TPO: variants seen among roughly 807,000 people sequenced by gnomAD.
The protein encoded by TPO is thyroid microsomal antigen.
In TPO, 78 loss-of-function variants were observed where a neutral mutation model predicts 96.9. The ratio of observed to expected loss-of-function variants is 0.81; its 90% CI spans 0.67 to 0.97. The LOEUF is 0.97. Ranked by LOEUF, TPO falls within the 50% of genes least tolerant of loss-of-function variation. TPO has a pLI of 0.00. For synonymous variants in TPO, 547 were observed against 538.0 expected (o/e 1.02, Z -0.23); for missense variants, 1,252 against 1,274.8 (o/e 0.98, Z 0.27).
At chr2:1,534,962 G>A (rs1403247948) in intron 15 of TPO, among the ~76,000 whole-genome samples, 2 of 129,082 alleles carry the variant, frequency 1.5e-5, no homozygotes, top group Admixed American at 9.8e-5. Flanking sequence ...GCCACTGTGA[G>A]CAACCTCCTC....
At chr2:1,378,654 C>T (rs929340759) in intron 1 of TPO, among the ~76,000 whole-genome samples, 1 of 152,216 alleles carries the variant, frequency 6.6e-6, no homozygotes, top group Non-Finnish European at 1.5e-5. Context: ...CCGTGCTGCT[C>T]TCCCTGGGAG....
At chr2:1,387,326 TCCCCA>T (rs1345168638) in intron 1 of TPO, among the ~76,000 whole-genome samples, 2 of 152,246 alleles carry the variant, frequency 1.3e-5, no homozygotes, top group Non-Finnish European at 2.9e-5. Context: ...GGTTCCATTG[TCCCCA>T]TCACTTTCAG....
rs1039731960 is a variant in TPO, at chr2:1,456,099, C to A, written c.636C>A (p.Val212=). The A allele has an allele frequency of 1.5e-5, 25 of 1,614,012 alleles. No individual in the cohort carries two copies. The Middle Eastern group carries it at 1.6e-3, about 106-fold the overall frequency. Residue 212 remains valine (V), a synonymous_variant, in exon 7 of 17, where the codon GTC becomes GTA. Transcript: ENST00000329066. Reference sequence around the variant, plus strand: ...AGGTCCGGGAGGTGACAAGACATGTCATTCAAGTTTCAAATGAGGTTGTCA... The same window carrying A: ...AGGTCCGGGAGGTGACAAGACATGTAATTCAAGTTTCAAATGAGGTTGTCA... The part of the protein sequence containing the change: ...LPPVREVTRH[V]IQVSNEVVTD...
rs1680948829 is a variant in TPO, at chr2:1,543,670, A to G, written c.*1196A>G. 1 of 150,728 alleles carries G rather than the reference A, an allele frequency of 6.6e-6. No homozygotes were observed. Among genetic ancestry groups the G allele is most frequent in the South Asian group, 2.1e-4 (1 of 4,778 alleles). 9.3% of individuals were successfully genotyped at this position (150,728 alleles called of 1,614,324 possible). A position where few individuals can be genotyped will look rare whatever the true frequency, so the allele number is the denominator to read the frequency against. On this transcript the variant is annotated 3_prime_UTR_variant, in exon 17 of 17. Coordinates refer to ENST00000329066, the MANE Select transcript of TPO (RefSeq NM_001206744.2). ...TTCATAATTAAAACAATATTAAAAT[A>G]AAACTCATGAATGATTTCATAATTA...
At chr2:1,490,431 G>C (rs1573404997) in intron 10 of TPO, among the ~76,000 whole-genome samples, 2 of 127,628 alleles carry the variant, frequency 1.6e-5, no homozygotes, top group East Asian at 2.8e-4. Flanking sequence ...GTCCCACACA[G>C]GGGGAGTCAC....
rs1367471100 is a variant in TPO, at chr2:1,433,690, G to T, written c.349+83G>T. 8.5e-6 allele frequency: 13 copies of T among 1,530,744 alleles called. No homozygotes were observed. In the East Asian group the frequency reaches 3.1e-4, roughly 37 times the overall value. 94.8% of individuals were successfully genotyped at this position (1,530,744 alleles called of 1,614,324 possible). Reference sequence around the variant, plus strand: ...ACTTTGTGCAGGGGCTGCTTGCTCAGGGCATGTTTTTTACTTGAGACCAAG... The same window carrying T: ...ACTTTGTGCAGGGGCTGCTTGCTCATGGCATGTTTTTTACTTGAGACCAAG... On this transcript the variant is annotated intron_variant, in intron 4 of 16. Transcript: ENST00000329066.
At chr2:1,391,616 TTTTCACAATATTGA>T (rs1289455693) in intron 1 of TPO, among the ~76,000 whole-genome samples, 2 of 152,226 alleles carry the variant, frequency 1.3e-5, no homozygotes, top group African/African-American at 2.4e-5. Context: ...AGTATGGCCA[TTTTCACAATATTGA>T]TTCTTCTTAT....
chr2:1,536,943 AACCTCTCAAATCCCCCT>A (rs1679818658), intron 15 of TPO, among the ~76,000 whole-genome samples: 1 of 62,982 alleles, frequency 1.6e-5, no homozygotes. Context: ...CAATGTGAGC[AACCTCTCAAATCCCCCT>A]GTGTGCAACC....
At chr2:1,452,624 C>G (rs533989608) in intron 5 of TPO, among the ~76,000 whole-genome samples, 36 of 152,314 alleles carry the variant, frequency 2.4e-4, no homozygotes, top group African/African-American at 8.4e-4. Context: ...GCCCTCAAAA[C>G]TCCTTCTGAG....
chr2:1,527,831 C>CTGTGTGCAACCTCCTCAAATCCCCCCAA (rs1676955623), intron 15 of TPO, among the ~76,000 whole-genome samples: 55 of 107,622 alleles, frequency 5.1e-4, no homozygotes, highest in African/African-American at 1.9e-3. Context: ...AATCCCCATA[C>CTGTGTGCAACCTCCTCAAATCCCCCCAA]TGTGTGCAAC....
chr2:1,466,802 C>A (rs1668939428), intron 7 of TPO, among the ~76,000 whole-genome samples: 1 of 152,108 alleles, frequency 6.6e-6, no homozygotes, highest in African/African-American at 2.4e-5. Context: ...AATGGTCTAT[C>A]AATTTTATTT....
chr2:1,487,734 G>A lies in TPO; in HGVS notation c.1598-87G>A, dbSNP rs141861673. Reference sequence around the variant, plus strand: ...TGGGCAACAGAAAGAATGAGACTCCGTCTCAAAAAAAAAAAAAATTGAGAT... The same window carrying A: ...TGGGCAACAGAAAGAATGAGACTCCATCTCAAAAAAAAAAAAAATTGAGAT... On this transcript the variant is annotated intron_variant, in intron 9 of 16. Coordinates refer to ENST00000329066, the MANE Select transcript of TPO (RefSeq NM_001206744.2). 2.0e-3 allele frequency: 3,001 copies of A among 1,525,448 alleles called. 52 individuals carry two copies. The African/African-American group carries it at 0.034, about 18-fold the overall frequency. 94.5% of individuals were successfully genotyped at this position (1,525,448 alleles called of 1,614,324 possible). A position where few individuals can be genotyped will look rare whatever the true frequency, so the allele number is the denominator to read the frequency against.
At chr2:1,486,604 C>G (rs1671189951) in intron 9 of TPO, among the ~76,000 whole-genome samples, 1 of 152,178 alleles carries the variant, frequency 6.6e-6, no homozygotes. Context: ...GCACCATCAT[C>G]TTTAGAATGT....
At chr2:1,495,676 A>G (rs1482212406) in intron 11 of TPO, among the ~76,000 whole-genome samples, 1 of 152,138 alleles carries the variant, frequency 6.6e-6, no homozygotes, top group Non-Finnish European at 1.5e-5. Flanking sequence ...GCCCCTCCAC[A>G]TCTCCTTCGG....
At chr2:1,455,357 C>T (rs1359506117) in intron 6 of TPO, among the ~76,000 whole-genome samples, 2 of 152,138 alleles carry the variant, frequency 1.3e-5, no homozygotes, top group Non-Finnish European at 2.9e-5. Context: ...CTAACATGCT[C>T]ACCCCATTCC....
chr2:1,535,516 CTCCCCAAATCCCCGTGTGCCACT>C (rs1679425144), intron 15 of TPO, among the ~76,000 whole-genome samples: 1 of 1,440 alleles, frequency 6.9e-4, no homozygotes, highest in African/African-American at 2.4e-3. Flanking sequence ...TGGGTGCAAC[CTCCCCAAATCCCCGTGTGCCACT>C]TCCCCAAATC....
chr2:1,481,949 G>A (rs1022526475), intron 8 of TPO, among the ~76,000 whole-genome samples: 9 of 152,176 alleles, frequency 5.9e-5, no homozygotes, highest in Non-Finnish European at 8.8e-5. Flanking sequence ...GGCTTCCTGC[G>A]GAGGAGCACA....
chr2:1,531,989 C>A (rs113156044), intron 15 of TPO, among the ~76,000 whole-genome samples: 2 of 96,190 alleles, frequency 2.1e-5, no homozygotes, highest in East Asian at 6.5e-4. Context: ...TGTGTGCAAC[C>A]TCCCAAAATC....
chr2:1,396,280 G>A (rs914957999), intron 1 of TPO, among the ~76,000 whole-genome samples: 2 of 152,224 alleles, frequency 1.3e-5, no homozygotes, highest in Admixed American at 1.3e-4. Context: ...AATTCTGGGA[G>A]TTGAAGGGCA....
Sources: gnomAD v4.1 joint callset for allele counts (sites outside exome capture counted in the v4.1 genomes callset) on GRCh38, gnomAD v4.1.1 for gene constraint, MANE v1.5 for transcripts, NCBI Gene and HGNC (gene_info 2026-07-23, HGNC 2026-07-21) for gene names.